HSD17B12: variants seen among roughly 807,000 people sequenced by gnomAD.
HSD17B12 encodes hydroxysteroid 17-beta dehydrogenase 12.
Under a neutral mutation model 39.3 loss-of-function variants are expected in HSD17B12, and 32 were observed. The observed-to-expected ratio is 0.81, with a 90% CI of 0.61 to 1.09. The LOEUF is 1.09. Among genes scored for constraint, HSD17B12 ranks in the 50% least tolerant of loss-of-function variants. The pLI, the probability that HSD17B12 is intolerant of heterozygous loss-of-function variation, is 0.00. For missense variants in HSD17B12, 342 were observed against 382.9 expected, an observed-to-expected ratio of 0.89 and a Z score of 0.89; for synonymous variants, 150 against 146.7, an observed-to-expected ratio of 1.02 and a Z score of -0.16.
chr11:43,798,266 T>G, intron 3 of HSD17B12, 54 bp from the exon 4 acceptor site: 1 of 994,202 alleles, frequency 1.0e-6, no homozygotes. Context: ...TAATCTTCAC[T>G]GCCATGTACT....
rs531204898 is a variant in HSD17B12, at chr11:43,756,329, C to T, written c.283+2208C>T. 1.3e-3 allele frequency among the ~76,000 whole-genome samples: 191 copies of T among 151,692 alleles called. 1 individual carries two copies. Among genetic ancestry groups the T allele is most frequent in the African/African-American group, 4.5e-3 (185 of 41,340 alleles). On this transcript the variant is annotated intron_variant, in intron 3 of 10. Transcript: ENST00000278353. ...TTTGGCATTTGAAGCTTTTAACATT[C>T]AAGATTTCAGCTATGTAAATGCAAC...
At chr11:43,739,390 C>G (rs1950344630) in intron 1 of HSD17B12, among the ~76,000 whole-genome samples, 1 of 152,122 alleles carries the variant, frequency 6.6e-6, no homozygotes, top group Non-Finnish European at 1.5e-5. Flanking sequence ...ATTTGTGCTG[C>G]TATAATAAAA....
rs1950934486 is a variant in HSD17B12, at chr11:43,798,427, G to A, written c.391G>A (p.Val131Met). 1 of 1,593,910 alleles carries A rather than the reference G, an allele frequency of 6.3e-7. No individual in the cohort carries two copies. Among genetic ancestry groups the A allele is most frequent in the Non-Finnish European group, 8.6e-7 (1 of 1,165,518 alleles). Residue 131 changes from valine to methionine, a missense_variant and splice_region_variant, in exon 4 of 11, where the codon GTG becomes ATG. Val to Met is a conservative substitution (Grantham distance 21). Transcript: ENST00000278353. Reference sequence around the variant, plus strand: ...GGCTGGTCTTGAAATCGGCATCTTAGGTTTGTATTTTTGCCACATTTATAG... The same window carrying A: ...GGCTGGTCTTGAAATCGGCATCTTAAGTTTGTATTTTTGCCACATTTATAG... ...GLAGLEIGIL[V>M]NNVGMSYEYP...
intron 3 of HSD17B12, among the ~76,000 whole-genome samples, chr11:43,791,656 T>C (rs746708115): frequency 6.6e-6 from 1 of 152,170 alleles, no homozygotes; most frequent in Non-Finnish European, 1.5e-5. Flanking sequence ...CGTTGTTATA[T>C]GAAAATTTCT....
chr11:43,587,575 T>G, the HSD17B12 span, among the ~76,000 whole-genome samples: 1 of 152,354 alleles, frequency 6.6e-6, no homozygotes, highest in South Asian at 2.1e-4. Context: ...TAGTTAATAC[T>G]GCAAGTGGCT....
intron 1 of HSD17B12, among the ~76,000 whole-genome samples, chr11:43,707,841 T>C (rs1311293678): frequency 6.6e-6 from 1 of 152,206 alleles, no homozygotes; most frequent in Non-Finnish European, 1.5e-5. Context: ...TTGGTCAGTT[T>C]GGGCTGCTGT....
intron 3 of HSD17B12, among the ~76,000 whole-genome samples, chr11:43,778,618 A>G (rs1017179934): frequency 2.8e-4 from 43 of 151,548 alleles, no homozygotes; most frequent in Middle Eastern, 3.4e-3. Context: ...CCAGCAGCAC[A>G]TCAAAAAGCT....
At chr11:43,848,843 C>A (rs1590349075) in intron 9 of HSD17B12, among the ~76,000 whole-genome samples, 1 of 152,204 alleles carries the variant, frequency 6.6e-6, no homozygotes, top group South Asian at 2.1e-4. Flanking sequence ...TTGCAGCATA[C>A]CCACTATTTG....
the HSD17B12 span, among the ~76,000 whole-genome samples, chr11:43,602,894 T>A: frequency 6.6e-6 from 1 of 151,932 alleles, no homozygotes. Flanking sequence ...TGGCCTAGGC[T>A]TTAGGCTCAA....
the HSD17B12 span, among the ~76,000 whole-genome samples, chr11:43,640,120 G>C: frequency 6.6e-6 from 1 of 151,748 alleles, no homozygotes; most frequent in African/African-American, 2.4e-5. Flanking sequence ...GCATTTTATT[G>C]GTCTGTTAAA....
intron 1 of HSD17B12, among the ~76,000 whole-genome samples, chr11:43,688,261 T>C (rs12271791): frequency 2.1e-3 from 317 of 152,232 alleles, no homozygotes; most frequent in African/African-American, 7.3e-3. Flanking sequence ...TTTATGCTTT[T>C]TGTAAGGGAT....
At chr11:43,819,906 C>T (rs1431275360) in intron 6 of HSD17B12, among the ~76,000 whole-genome samples, 2 of 152,172 alleles carry the variant, frequency 1.3e-5, no homozygotes, top group Non-Finnish European at 2.9e-5. Flanking sequence ...CTGAATTTTC[C>T]TGTACCTTTG....
intron 3 of HSD17B12, among the ~76,000 whole-genome samples, chr11:43,758,071 T>G (rs1026185081): frequency 8.5e-5 from 13 of 152,192 alleles, no homozygotes. Flanking sequence ...TGTAGCCTAT[T>G]ATGGAGTCCA....
At chr11:43,693,990 A>C (rs1299987633) in intron 1 of HSD17B12, among the ~76,000 whole-genome samples, 1 of 152,240 alleles carries the variant, frequency 6.6e-6, no homozygotes. Flanking sequence ...TAAGGAGGCG[A>C]TGATCTCCTT....
chr11:43,749,595 G>A (rs529555441), intron 1 of HSD17B12, among the ~76,000 whole-genome samples: 1 of 152,000 alleles, frequency 6.6e-6, no homozygotes, highest in Non-Finnish European at 1.5e-5. Context: ...TGGGTACCTA[G>A]GGGTTTGTTA....
chr11:43,679,896 C>T (rs906046440), upstream of HSD17B12, among the ~76,000 whole-genome samples: 1 of 151,736 alleles, frequency 6.6e-6, no homozygotes, highest in Non-Finnish European at 1.5e-5. Flanking sequence ...ATGCCTGCAG[C>T]GAGGAAGGCA....
At chr11:43,752,173 A>G (rs918560152) in intron 2 of HSD17B12, among the ~76,000 whole-genome samples, 2 of 152,164 alleles carry the variant, frequency 1.3e-5, no homozygotes, top group African/African-American at 4.8e-5. Context: ...TTTTCTCATT[A>G]GATTCAGGAA....
At chr11:43,736,840 T>C (rs1440506894) in intron 1 of HSD17B12, among the ~76,000 whole-genome samples, 2 of 152,212 alleles carry the variant, frequency 1.3e-5, no homozygotes, top group Non-Finnish European at 2.9e-5. Context: ...CAGGGACTTC[T>C]GTGGTTTCTA....
intron 3 of HSD17B12, among the ~76,000 whole-genome samples, chr11:43,764,118 A>T (rs2134971511): frequency 6.6e-6 from 1 of 152,280 alleles, no homozygotes; most frequent in South Asian, 2.1e-4. Flanking sequence ...AACCAGTTTT[A>T]ATTTGGTTAG....
Sources: gnomAD v4.1 joint callset for allele counts (sites outside exome capture counted in the v4.1 genomes callset) on GRCh38, gnomAD v4.1.1 for gene constraint, MANE v1.5 for transcripts, NCBI Gene and HGNC (gene_info 2026-07-23, HGNC 2026-07-21) for gene names.